PDCD11: variants seen among roughly 807,000 people sequenced by gnomAD.
PDCD11 encodes protein RRP5 homolog.
In PDCD11, 97 loss-of-function variants were observed where a neutral mutation model predicts 198.9. That is an observed-to-expected ratio of 0.49 (90% confidence interval 0.41 to 0.58). The LOEUF (loss-of-function observed/expected upper bound fraction) is 0.58. PDCD11 is among the 20% of genes least tolerant of loss of function. The pLI, the probability that PDCD11 is intolerant of heterozygous loss-of-function variation, is 0.00. For missense variants in PDCD11, 2,102 were observed against 2,312.7 expected (o/e 0.91, Z 1.87); for synonymous variants, 893 against 918.0 (o/e 0.97, Z 0.49).
Position 103,436,386 on chromosome 10 carries a change from A to G in PDCD11, c.3845+1411A>G, listed in dbSNP as rs983744290. Among the ~76,000 whole-genome samples the G allele has an allele frequency of 7.9e-5, 12 of 152,328 alleles. 1 individual carries two copies. The highest frequency in any genetic ancestry group is 2.0e-4 in the Admixed American group (3 of 15,302). On this transcript the variant is annotated intron_variant, in intron 25 of 35. Transcript: ENST00000369797. ...CAAAGTGAGCCTCCGCACCCAGCCA[A>G]TTGGAGTTTTAAGACTGTTTTAATA...
chr10:103,411,062 G>C (rs1327686889), intron 8 of PDCD11, among the ~76,000 whole-genome samples: 1 of 150,432 alleles, frequency 6.6e-6, no homozygotes, highest in Non-Finnish European at 1.5e-5. Context: ...GCGACAGAGT[G>C]AGACTCTGTC....
At chr10:103,435,576 C>T (rs958170187) in intron 25 of PDCD11, among the ~76,000 whole-genome samples, 27 of 152,008 alleles carry the variant, frequency 1.8e-4, no homozygotes, top group African/African-American at 5.1e-4. Context: ...AGTGCAGTGG[C>T]GCGATCTCAG....
At chr10:103,407,990 A>G (rs1478588906) in intron 7 of PDCD11, among the ~76,000 whole-genome samples, 1 of 152,120 alleles carries the variant, frequency 6.6e-6, no homozygotes. Context: ...AAATGCCGTG[A>G]TTACAGGTGT....
intron 4 of PDCD11, among the ~76,000 whole-genome samples, chr10:103,403,716 C>T (rs768787198): frequency 2.6e-5 from 4 of 152,102 alleles, no homozygotes; most frequent in African/African-American, 7.2e-5. Flanking sequence ...TACAGCATAA[C>T]GTGTAGATTG....
chr10:103,428,980 T>C (rs962698813), intron 21 of PDCD11, among the ~76,000 whole-genome samples: 6 of 152,220 alleles, frequency 3.9e-5, no homozygotes, highest in Non-Finnish European at 7.3e-5. Context: ...TTGAGAAACA[T>C]AGTGATATTT....
At chr10:103,426,255 C>T (rs1402491101) in intron 20 of PDCD11, among the ~76,000 whole-genome samples, 1 of 152,156 alleles carries the variant, frequency 6.6e-6, no homozygotes, top group East Asian at 1.9e-4. Flanking sequence ...CTTTAATTAT[C>T]CTCATTTACT....
At chr10:103,398,346 C>G in intron 1 of PDCD11, 70 bp from the exon 2 acceptor site, 1 of 925,532 alleles carries the variant, frequency 1.1e-6, no homozygotes, top group Non-Finnish European at 1.8e-6. Flanking sequence ...GTCTCTTGCC[C>G]GTTGATAACA....
chr10:103,425,199 T>C lies in PDCD11; in HGVS notation c.2979T>C (p.Ala993=), dbSNP rs1564769645. Residue 993 remains alanine (A), a synonymous_variant, in exon 20 of 36, where the codon GCT becomes GCC. Transcript: ENST00000369797. ...TEPGVTGLLL[A]VEGPAAKRTM... ...CAGGAGTGACTGGCCTTCTTTTGGC[T>C]GTGGAGGGGCCGGCTGCCAAGAGGA... The C allele has an allele frequency of 1.2e-6, 2 of 1,613,964 alleles. No individual in the cohort carries two copies. Among genetic ancestry groups the C allele is most frequent in the Admixed American group, 1.7e-5 (1 of 59,998 alleles).
At chr10:103,415,264 T>G in intron 12 of PDCD11, 113 bp downstream of exon 12, 6 of 1,064,954 alleles carry the variant, frequency 5.6e-6, no homozygotes, top group Non-Finnish European at 7.0e-6. Flanking sequence ...GTAGTGTGTC[T>G]TGTGCTGTAC....
chr10:103,436,424 T>C (rs1241467876), intron 25 of PDCD11, among the ~76,000 whole-genome samples: 1 of 152,190 alleles, frequency 6.6e-6, no homozygotes, highest in Non-Finnish European at 1.5e-5. Context: ...CTGAATAAAC[T>C]AAACTTGAGG....
chr10:103,442,946 A>C (rs1218620319), intron 32 of PDCD11, among the ~76,000 whole-genome samples: 1 of 152,204 alleles, frequency 6.6e-6, no homozygotes, highest in Admixed American at 6.5e-5. Context: ...ATGGAGGCAG[A>C]ATCCAGGAGA....
At chr10:103,406,839 C>T in intron 7 of PDCD11, 49 bp downstream of exon 7, 1 of 1,436,906 alleles carries the variant, frequency 7.0e-7, no homozygotes, top group Non-Finnish European at 9.5e-7. Context: ...TAATTCTTTT[C>T]AAAATATTAA....
chr10:103,398,099 G>T (rs891913477), intron 1 of PDCD11, among the ~76,000 whole-genome samples: 3 of 152,184 alleles, frequency 2.0e-5, no homozygotes, highest in African/African-American at 7.2e-5. Context: ...TTCTTTGAAG[G>T]CAGAGGATTA....
At chr10:103,434,225 C>G in intron 23 of PDCD11, 23 bp from the exon 24 acceptor site, 1 of 1,525,448 alleles carries the variant, frequency 6.6e-7, no homozygotes, top group East Asian at 2.3e-5. Flanking sequence ...TCAAGCATCA[C>G]AGGAGTTTTT....
At chr10:103,442,051 G>A in intron 31 of PDCD11, 76 bp downstream of exon 31, 1 of 1,583,338 alleles carries the variant, frequency 6.3e-7, no homozygotes, top group Admixed American at 1.7e-5. Context: ...TTCCTAGACT[G>A]GGTGTCTTCC....
intron 3 of PDCD11, among the ~76,000 whole-genome samples, chr10:103,401,108 C>A (rs2030020264): frequency 6.6e-6 from 1 of 152,048 alleles, no homozygotes; most frequent in Non-Finnish European, 1.5e-5. Flanking sequence ...CCTCACAGGA[C>A]TTGAGTTCTG....
At chr10:103,405,763 G>A (rs1158328511) in intron 5 of PDCD11, among the ~76,000 whole-genome samples, 1 of 152,218 alleles carries the variant, frequency 6.6e-6, no homozygotes, top group Non-Finnish European at 1.5e-5. Context: ...TCATTCAGCT[G>A]TGTTAAACAT....
intron 24 of PDCD11, 49 bp downstream of exon 24, chr10:103,434,399 G>C: frequency 8.5e-7 from 1 of 1,177,586 alleles, no homozygotes; most frequent in East Asian, 2.3e-5. Flanking sequence ...CGGCAGGAAG[G>C]GGTGGGATGG....
At chr10:103,445,239 A>G (rs1037013795) in intron 35 of PDCD11, 139 bp from the exon 36 acceptor site, 1 of 740,956 alleles carries the variant, frequency 1.3e-6, no homozygotes, top group African/African-American at 1.7e-5. Flanking sequence ...TCATGGATTA[A>G]TAAAGATAAT....
Sources: gnomAD v4.1 joint callset for allele counts (sites outside exome capture counted in the v4.1 genomes callset) on GRCh38, gnomAD v4.1.1 for gene constraint, MANE v1.5 for transcripts, NCBI Gene and HGNC (gene_info 2026-07-23, HGNC 2026-07-21) for gene names.